The following KLHL33 variants were observed in gnomAD, a reference collection of about 807,000 sequenced individuals.
KLHL33 encodes the protein kelch like family member 33, also known as kelch-like protein 33.
Under a neutral mutation model 60.8 loss-of-function variants are expected in KLHL33, and 46 were observed. That is an observed-to-expected ratio of 0.76 (90% CI 0.60 to 0.97). The LOEUF (loss-of-function observed/expected upper bound fraction) is 0.97. Ranked by LOEUF, KLHL33 falls within the 50% of genes least tolerant of loss-of-function variation. The probability of loss-of-function intolerance (pLI) is 0.00; values close to 1 mark genes in which losing one functional copy is unlikely to be tolerated. For missense variants in KLHL33, 1,055 were observed against 1,000.0 expected (o/e 1.05, Z -0.74); for synonymous variants, 434 against 432.2 (o/e 1.00, Z -0.05).
At position 20,429,890 on chromosome 14, in the gene KLHL33, G is replaced by A. The variant is rs1446104257; in HGVS notation, c.1578C>T (p.Phe526=). The A allele has an allele frequency of 6.4e-7, 1 of 1,551,980 alleles. No homozygotes were observed. Among genetic ancestry groups the A allele is most frequent in the Non-Finnish European group, 8.7e-7 (1 of 1,147,058 alleles). The change falls in exon 3 of 5, where the codon TTC becomes TTT. Residue 526 remains phenylalanine (F), a synonymous_variant. Coordinates refer to ENST00000636854, the MANE Select transcript of KLHL33 (RefSeq NM_001365790.2). ...QLPALPAPGR[F]RHGAASLAGS... is the part of the protein sequence containing the mutation. ...CTGCCAGGCTTGCAGCCCCATGCCG[G>A]AAGCGTCCGGGGGCAGGCAGGGCAG...
Position 20,430,550 on chromosome 14 carries a change from C to T in KLHL33, c.918G>A (p.Gly306=). The T allele has an allele frequency of 6.5e-7, 1 of 1,541,778 alleles. No individual in the cohort carries two copies. Among genetic ancestry groups the T allele is most frequent in the East Asian group, 2.4e-5 (1 of 40,912 alleles). The part of the protein sequence containing the change: ...YSGVVRARWP[G]LLRAAQAALQ... ...GAGCAGCCTGGGCAGCTCTCAGTAG[C>T]CCTGGCCACCTTGCCCGCACAACTC... is the stretch of plus-strand genomic sequence containing the variant. The change falls in exon 3 of 5, where the codon GGG becomes GGA. Residue 306 remains glycine, a synonymous_variant. Transcript: ENST00000636854.
Position 20,435,443 on chromosome 14 carries a change from T to C in KLHL33, c.369A>G (p.Val123=), listed in dbSNP as rs966372852. Residue 123 remains valine (V), a synonymous_variant, in exon 2 of 5, where the codon GTA becomes GTG. Transcript: ENST00000636854. ...LDEEVSVAGR[V]YGVHRVILAA... ...CCAGGATCACCCGATGCACCCCGTA[T>C]ACCCGCCCCGCGACTGACACCTCTT... The C allele has an allele frequency of 1.9e-5, 23 of 1,234,326 alleles. No homozygotes were observed. Among genetic ancestry groups the C allele is most frequent in the East Asian group, 3.2e-5 (1 of 31,714 alleles). The allele number at this position is 1,234,326 out of a possible 1,614,324, so 76.5% of individuals were successfully genotyped here.
intron 4 of KLHL33, 37 bp downstream of exon 4, chr14:20,429,465 C>A (rs1458331330): frequency 5.8e-6 from 9 of 1,551,366 alleles, no homozygotes; most frequent in Non-Finnish European, 7.8e-6. Context: ...TATTCCAAGT[C>A]TCCTAATCTC....
chr14:20,430,842 T>C (rs1223190989), intron 2 of KLHL33, 123 bp from the exon 3 acceptor site: 2 of 649,446 alleles, frequency 3.1e-6, no homozygotes, highest in Non-Finnish European at 5.2e-6. Context: ...CACCCACTGC[T>C]ACAGACCAAA....
Position 20,430,149 on chromosome 14 carries a change from C to T in KLHL33, c.1319G>A (p.Arg440Gln), listed in dbSNP as rs17242648. 143,620 of 1,551,428 alleles carry T rather than the reference C, an allele frequency of 0.093. 7,170 individuals carry two copies. Among genetic ancestry groups the T allele is most frequent in the East Asian group, 0.21 (8,743 of 40,902 alleles). The change falls in exon 3 of 5, where the codon CGG becomes CAG. Residue 440 changes from arginine (R) to glutamine (Q), a missense_variant. Coordinates refer to ENST00000636854, the MANE Select transcript of KLHL33 (RefSeq NM_001365790.2). ...CAGGGGTGGAAGTAGCCCGGCTGCC[C>T]GCACCCTCCGCAACTCCCTGGTGGA... ...RMSTRELRRV[R>Q]AAGLLPPLTP... is the part of the protein sequence containing the mutation.
At chr14:20,431,743 A>T (rs145510680) in intron 2 of KLHL33, among the ~76,000 whole-genome samples, 1 of 152,170 alleles carries the variant, frequency 6.6e-6, no homozygotes. Flanking sequence ...ATAAATAAAT[A>T]AAATGTGGAA....
chr14:20,432,966 G>GAAAGAAAGAAAGAAAGAAAGAAAC (rs1880565881), intron 2 of KLHL33, among the ~76,000 whole-genome samples: 1 of 151,258 alleles, frequency 6.6e-6, no homozygotes, highest in Non-Finnish European at 1.5e-5. Flanking sequence ...AAGAAAGAAA[G>GAAAGAAAGAAAGAAAGAAAGAAAC]AAAGAAAGAA....
rs1880396264 is a variant in KLHL33 at position 20,429,137 on chromosome 14, A to C, written c.2106T>G (p.Tyr702Ter). ...GAGTCCAGCTATCAGTCCTTAGTTC[A>C]TAGGCCTCAAAGCTTAGCAGGTCCT... is the stretch of plus-strand genomic sequence containing the variant. ...ETEDLLSFEA[Y>*]ELRTDSWTHL... The change falls in exon 5 of 5, where the codon TAT becomes TAG. Residue 702 changes from tyrosine to a stop codon, truncating the protein, a stop_gained. Transcript: ENST00000636854. LOFTEE classifies it high-confidence loss of function. The C allele has an allele frequency of 6.4e-7, 1 of 1,551,638 alleles. No individual in the cohort carries two copies. The highest frequency in any genetic ancestry group is 1.4e-5 in the African/African-American group (1 of 73,146).
intron 2 of KLHL33, among the ~76,000 whole-genome samples, chr14:20,431,970 T>C (rs943235032): frequency 3.0e-4 from 45 of 152,230 alleles, no homozygotes; most frequent in African/African-American, 1.0e-3. Flanking sequence ...GCATCACTTA[T>C]GGATTATTCT....
At chr14:20,433,925 C>T (rs759660985) in intron 2 of KLHL33, among the ~76,000 whole-genome samples, 1 of 152,112 alleles carries the variant, frequency 6.6e-6, no homozygotes. Context: ...CAAAGTGTAA[C>T]AGCCCAACTA....
chr14:20,435,017 C>T (rs932735659), intron 2 of KLHL33, 47 bp downstream of exon 2: 2 of 1,226,168 alleles, frequency 1.6e-6, no homozygotes, highest in Non-Finnish European at 1.0e-6. Flanking sequence ...CACACCATTC[C>T]GTTAGCATAT....
At chr14:20,433,380 C>A (rs1295749861) in intron 2 of KLHL33, among the ~76,000 whole-genome samples, 1 of 152,198 alleles carries the variant, frequency 6.6e-6, no homozygotes, top group Non-Finnish European at 1.5e-5. Context: ...CTGAGGCATG[C>A]GTGCCTTTCC....
chr14:20,428,527 A>T lies in KLHL33; in HGVS notation c.*322T>A. The stretch of plus-strand genomic sequence containing the variant: ...CCAACTGTCCTCCCATGGTCTCTAC[A>T]CTTTGGCTACTGAAGCTTCTTAACT... On this transcript the variant is annotated 3_prime_UTR_variant, in exon 5 of 5. Transcript: ENST00000636854. 1 of 303,054 alleles carries T rather than the reference A, an allele frequency of 3.3e-6. No homozygotes were observed. The highest frequency in any genetic ancestry group is 6.2e-6 in the Non-Finnish European group (1 of 161,524). 18.8% of individuals were successfully genotyped at this position (303,054 alleles called of 1,614,324 possible).
rs1239588579 is a variant in KLHL33 at position 20,430,277 on chromosome 14, C to T, written c.1191G>A (p.Glu397=). The change falls in exon 3 of 5, where the codon GAG becomes GAA. Residue 397 remains glutamate, a synonymous_variant. Transcript: ENST00000636854. ...ACCGTGCAGCCACAAAGGCCTCAAA[C>T]TCCTCCTGCACATGGAGCTCATCAC... The part of the protein sequence containing the change: ...LDSDELHVQE[E]FEAFVAARCW... The T allele has an allele frequency of 6.4e-7, 1 of 1,551,764 alleles. No homozygotes were observed. Among genetic ancestry groups the T allele is most frequent in the South Asian group, 1.2e-5 (1 of 84,068 alleles).
At position 20,430,366 on chromosome 14, in the gene KLHL33, C is replaced by A; in HGVS notation, c.1102G>T (p.Ala368Ser). 6.4e-7 allele frequency: 1 copy of A among 1,551,912 alleles called. No individual in the cohort carries two copies. The highest frequency in any genetic ancestry group is 8.7e-7 in the Non-Finnish European group (1 of 1,147,036). The change falls in exon 3 of 5, where the codon GCT becomes TCT. Residue 368 changes from alanine (A) to serine (S), a missense_variant. Physicochemically the swap from Ala to Ser is moderately conservative, Grantham distance 99 (BLOSUM62 1). Coordinates refer to ENST00000636854, the MANE Select transcript of KLHL33 (RefSeq NM_001365790.2). ...GGGAAAGCAGGACACAAGGCTACAG[C>A]AGGCAGGTGGGTGAGGAGGTAGTGA... ...ARHYLLTHLP[A>S]VALCPAFPSL...
Position 20,428,833 on chromosome 14 carries a change from C to T in KLHL33, c.*16G>A, listed in dbSNP as rs1442933285. The T allele has an allele frequency of 9.1e-6, 14 of 1,542,118 alleles. No individual in the cohort carries two copies. Among genetic ancestry groups the T allele is most frequent in the Admixed American group, 5.9e-5 (3 of 50,706 alleles). ...TTTCTTATGCCCTCCTCTCCCCATA[C>T]ACTGTTGCTCCCTCTTCACCCAGCA... is the stretch of plus-strand genomic sequence containing the variant. On this transcript the variant is annotated 3_prime_UTR_variant, in exon 5 of 5. Transcript: ENST00000636854.
At chr14:20,434,616 ATAAG>A (rs1880624402) in intron 2 of KLHL33, among the ~76,000 whole-genome samples, 2 of 151,904 alleles carry the variant, frequency 1.3e-5, no homozygotes, top group Admixed American at 1.3e-4. Context: ...TGCAGGGCCC[ATAAG>A]TCAGCCATGG....
chr14:20,432,111 G>A (rs1022488413), intron 2 of KLHL33, among the ~76,000 whole-genome samples: 2 of 104,470 alleles, frequency 1.9e-5, no homozygotes, highest in Non-Finnish European at 3.7e-5. Context: ...CATTTTATAG[G>A]ATAACCAATT....
In KLHL33 at chr14:20,435,338, T is replaced by C; in HGVS notation, c.474A>G (p.Pro158=). ...AGGTCAGCACGGCCTCCCAGCCCCC[T>C]GGGGACACCTCGAGGCTGAAGGGGG... The part of the protein sequence containing the change: ...PRPPFSLEVS[P]GGWEAVLTFA... The change falls in exon 2 of 5, where the codon CCA becomes CCG. Residue 158 remains proline, a synonymous_variant. Coordinates refer to ENST00000636854, the MANE Select transcript of KLHL33 (RefSeq NM_001365790.2). 1 of 1,234,280 alleles carries C rather than the reference T, an allele frequency of 8.1e-7. No homozygotes were observed. Among genetic ancestry groups the C allele is most frequent in the Non-Finnish European group, 1.0e-6 (1 of 988,120 alleles). The allele number at this position is 1,234,280 out of a possible 1,614,324, so 76.5% of individuals were successfully genotyped here. A position where few individuals can be genotyped will look rare whatever the true frequency, so the allele number is the denominator to read the frequency against.
Sources: allele counts gnomAD v4.1 joint callset (sites outside exome capture counted in the v4.1 genomes callset), GRCh38; gene constraint gnomAD v4.1.1; transcripts MANE v1.5; gene names NCBI Gene and HGNC (gene_info 2026-07-23, HGNC 2026-07-21).